PDE4DIP: variants seen among roughly 807,000 people sequenced by gnomAD.
PDE4DIP encodes myomegalin.
A neutral mutation model predicts 221.4 loss-of-function variants in PDE4DIP; 59 were observed. That is an observed-to-expected ratio of 0.27 (90% CI 0.22 to 0.33). The LOEUF is 0.33. Ranked by LOEUF, PDE4DIP falls within the 10% of genes least tolerant of loss-of-function variation. The probability of loss-of-function intolerance (pLI) is 1.00; values close to 1 mark genes in which losing one functional copy is unlikely to be tolerated. For synonymous variants in PDE4DIP, 404 were observed against 815.9 expected (o/e 0.50, Z 8.60); for missense variants, 1,036 against 2,154.2 (o/e 0.48, Z 10.28).
chr1:148,962,067 C>T, intron 7 of PDE4DIP, 111 bp downstream of exon 10: 1 of 699,134 alleles, frequency 1.4e-6, no homozygotes, highest in Non-Finnish European at 2.6e-6. Flanking sequence ...ATGTCTTAGC[C>T]TGGAGAAGTT....
chr1:148,981,169 C>T (rs1249548794), intron 20 of PDE4DIP, 101 bp from the exon 24 acceptor site: 18 of 1,028,398 alleles, frequency 1.8e-5, no homozygotes, highest in East Asian at 2.4e-5. Context: ...TTTACAAAGT[C>T]GTGTGGCTCA....
At chr1:148,857,246 G>A (rs1326821662) in intron 1 of PDE4DIP, among the ~76,000 whole-genome samples, 3 of 82,904 alleles carry the variant, frequency 3.6e-5, no homozygotes, top group Non-Finnish European at 6.4e-5. Context: ...AAAGGGGGAG[G>A]ATGCTCAGTA....
chr1:149,006,230 T>C (rs1164446207), intron 27 of PDE4DIP: 1 of 152,154 alleles, frequency 6.6e-6, no homozygotes, highest in Non-Finnish European at 1.5e-5. Flanking sequence ...GTGTTATTGA[T>C]ACTTAGTGTT....
At chr1:148,978,467 C>A (rs1394432225) in intron 19 of PDE4DIP, 52 bp downstream of exon 22, 80 of 964,158 alleles carry the variant, frequency 8.3e-5, no homozygotes, top group Non-Finnish European at 1.1e-4. Context: ...TTTTTGTATT[C>A]TTTTTTTTTT....
intron 1 of PDE4DIP, among the ~76,000 whole-genome samples, chr1:148,906,424 TGAATA>T (rs1316580923): frequency 1.8e-5 from 1 of 56,202 alleles, no homozygotes; most frequent in East Asian, 3.7e-4. Context: ...CATGCACTGT[TGAATA>T]GAATGTATAT....
chr1:148,998,597 A>G (rs1190490282), intron 23 of PDE4DIP, among the ~76,000 whole-genome samples: 1 of 149,934 alleles, frequency 6.7e-6, no homozygotes, highest in Non-Finnish European at 1.5e-5. Flanking sequence ...CATACATATG[A>G]CAGTCATGGT....
chr1:148,971,524 C>T lies in PDE4DIP; in HGVS notation c.1981-656C>T, dbSNP rs1338159293. Among the ~76,000 whole-genome samples, 6 of 152,086 alleles carry T rather than the reference C, an allele frequency of 3.9e-5. No individual in the cohort carries two copies. In the South Asian group the frequency reaches 6.2e-4, roughly 16 times the overall value. ...AGCATGATGTGTTGATATACATATA[C>T]ATTTTGAAGTGATTGCCACAAATTA... On this transcript the variant is annotated intron_variant, in intron 14 of 43. Transcript: ENST00000369354.
At chr1:148,911,006 G>A (rs1484706736) in intron 1 of PDE4DIP, among the ~76,000 whole-genome samples, 5 of 89,576 alleles carry the variant, frequency 5.6e-5, no homozygotes, top group African/African-American at 2.6e-4. Context: ...ATCCACAATA[G>A]CAAAGGCATG....
chr1:148,838,630 C>A (rs1674187657), intron 1 of PDE4DIP, among the ~76,000 whole-genome samples: 1 of 122,780 alleles, frequency 8.1e-6, no homozygotes, highest in African/African-American at 2.8e-5. Flanking sequence ...TGCTTAAAAA[C>A]CAAATGGCTC....
chr1:149,016,265 C>T (rs1553610501), intron 32 of PDE4DIP, 34 bp from the exon 36 acceptor site: 1 of 1,610,364 alleles, frequency 6.2e-7, no homozygotes, highest in Non-Finnish European at 8.5e-7. Flanking sequence ...TCTGACACCC[C>T]ATTTGCTTCT....
chr1:148,985,805 A>C (rs587625938), intron 21 of PDE4DIP: 17 of 152,206 alleles, frequency 1.1e-4, no homozygotes, highest in Admixed American at 7.9e-4. Context: ...TAGAAAGTTC[A>C]GCAACATCAG....
intron 5 of PDE4DIP, chr1:148,952,934 A>C: frequency 6.3e-7 from 1 of 1,593,302 alleles, no homozygotes; most frequent in East Asian, 2.2e-5. Context: ...GTTCGCTTGC[A>C]GCAAGTGTGC....
intron 23 of PDE4DIP, among the ~76,000 whole-genome samples, chr1:149,000,251 G>A (rs2065294009): frequency 6.6e-6 from 1 of 152,146 alleles, no homozygotes; most frequent in African/African-American, 2.4e-5. Context: ...TCTCAGTTTA[G>A]CATGCTTAAG....
Position 149,030,467 on chromosome 1 carries a change from G to A in PDE4DIP, c.6999+189G>A, listed in dbSNP as rs1698585. 3,630 of 770,566 alleles carry A rather than the reference G, an allele frequency of 4.7e-3. 13 individuals carry two copies. The highest frequency in any genetic ancestry group is 0.02 in the South Asian group (333 of 16,824). 47.7% of individuals were successfully genotyped at this position (770,566 alleles called of 1,614,324 possible). Reference sequence around the variant, plus strand: ...TCTGTCCCCATCACCCTCCCACCCCGTCAGCTCCTGCCCCTGTATCTTGGT... The same window carrying A: ...TCTGTCCCCATCACCCTCCCACCCCATCAGCTCCTGCCCCTGTATCTTGGT... On this transcript the variant is annotated intron_variant, in intron 43 of 43. Transcript: ENST00000369354.
At chr1:149,009,860 A>C in intron 30 of PDE4DIP, 69 bp downstream of exon 33, 2 of 1,121,792 alleles carry the variant, frequency 1.8e-6, no homozygotes, top group East Asian at 4.7e-5. Flanking sequence ...AACAGGGCTT[A>C]TAGCTCCACC....
At chr1:148,966,713 A>G (rs2058238875) in intron 11 of PDE4DIP, 57 bp downstream of exon 14, 3 of 715,206 alleles carry the variant, frequency 4.2e-6, no homozygotes, top group Non-Finnish European at 7.6e-6. Flanking sequence ...CATAGGTATT[A>G]TAGAAATTTG....
intron 32 of PDE4DIP, among the ~76,000 whole-genome samples, chr1:149,015,723 C>T (rs1371316590): frequency 2.0e-5 from 3 of 150,102 alleles, no homozygotes; most frequent in Non-Finnish European, 3.0e-5. Flanking sequence ...CAAATAAATA[C>T]TTGCCTTACA....
At chr1:148,997,149 ACAGG>A (rs1379375855) in intron 22 of PDE4DIP, among the ~76,000 whole-genome samples, 1 of 151,606 alleles carries the variant, frequency 6.6e-6, no homozygotes, top group African/African-American at 2.4e-5. Flanking sequence ...TATTGGACAG[ACAGG>A]CAGGAACTCC....
At chr1:149,017,035 C>G (rs1390114546) in intron 33 of PDE4DIP, among the ~76,000 whole-genome samples, 1 of 151,970 alleles carries the variant, frequency 6.6e-6, no homozygotes, top group African/African-American at 2.4e-5. Flanking sequence ...AACAGTAAGA[C>G]AATCGTAATT....
Sources: gnomAD v4.1 joint callset for allele counts (sites outside exome capture counted in the v4.1 genomes callset) on GRCh38, gnomAD v4.1.1 for gene constraint, MANE v1.5 for transcripts, NCBI Gene and HGNC (gene_info 2026-07-23, HGNC 2026-07-21) for gene names.